Variants in CACNA2D1 observed in about 807,000 individuals in gnomAD.
CACNA2D1 encodes calcium voltage-gated channel auxiliary subunit alpha2delta 1.
In CACNA2D1, 53 loss-of-function variants were observed where a neutral mutation model predicts 171.5. The ratio of observed to expected loss-of-function variants is 0.31; its 90% CI spans 0.25 to 0.39. CACNA2D1 has a LOEUF of 0.39. Ranked by LOEUF, CACNA2D1 falls within the 10% of genes least tolerant of loss-of-function variation. The pLI is 1.00. For synonymous variants in CACNA2D1, 442 were observed against 443.1 expected (o/e 1.00, Z 0.03); for missense variants, 903 against 1,299.8 (o/e 0.69, Z 4.69).
intron 12 of CACNA2D1, among the ~76,000 whole-genome samples, chr7:82,018,652 G>A (rs1421695940): frequency 6.6e-6 from 1 of 152,020 alleles, no homozygotes; most frequent in African/African-American, 2.4e-5. Flanking sequence ...TTATATAATT[G>A]TAAAAGCAAT....
intron 1 of CACNA2D1, among the ~76,000 whole-genome samples, chr7:82,393,119 G>T (rs1413618858): frequency 3.2e-5 from 4 of 123,812 alleles, no homozygotes; most frequent in South Asian, 5.4e-4. Context: ...GGCAGGGAGG[G>T]AGGGAGGGAG....
At chr7:81,987,324 C>A (rs575278699) in intron 21 of CACNA2D1, among the ~76,000 whole-genome samples, 35 of 152,244 alleles carry the variant, frequency 2.3e-4, no homozygotes, top group Middle Eastern at 6.8e-3. Context: ...TAGACCAAGA[C>A]TGCTTTATTT....
intron 4 of CACNA2D1, among the ~76,000 whole-genome samples, chr7:82,140,965 AAAAAG>A (rs559669027): frequency 0.061 from 6,278 of 102,938 alleles, 264 homozygotes; most frequent in South Asian, 0.15. Flanking sequence ...AAAAAAAAAA[AAAAAG>A]AAAAAAAAAT....
chr7:82,443,814 T>G, upstream of CACNA2D1: 1 of 784,572 alleles, frequency 1.3e-6, no homozygotes, highest in Non-Finnish European at 1.7e-6. Context: ...ATTCCCCCGA[T>G]TGCCGAGGCG....
rs539113545 is a variant in CACNA2D1, at chr7:82,039,105, C to T, written c.880-870G>A. On this transcript the variant is annotated intron_variant, in intron 10 of 38. Transcript: ENST00000356860. ...CAGGCTCTTGGCACCTAAACTGTCA[C>T]ATCTGCAGAATGGGAATAATAAAAA... Among the ~76,000 whole-genome samples, 134 of 152,172 alleles carry T rather than the reference C, an allele frequency of 8.8e-4. No individual in the cohort carries two copies. In the Middle Eastern group the frequency reaches 0.02, roughly 23 times the overall value.
At chr7:81,983,488 GAAA>G (rs1031479125) in intron 22 of CACNA2D1, among the ~76,000 whole-genome samples, 154 bp from the exon 23 acceptor site, 1 of 151,628 alleles carries the variant, frequency 6.6e-6, no homozygotes, top group Admixed American at 6.6e-5. Context: ...GTAGTCTGAG[GAAA>G]AAAAAGACAT....
intron 10 of CACNA2D1, among the ~76,000 whole-genome samples, chr7:82,056,892 CA>C (rs1438982723): frequency 1.3e-5 from 2 of 152,068 alleles, no homozygotes; most frequent in Admixed American, 6.6e-5. Flanking sequence ...AACTAAGCAA[CA>C]CATGTTATAG....
Position 82,013,472 on chromosome 7 carries a change from T to C in CACNA2D1, c.1261A>G (p.Ile421Val). 9.1e-7 allele frequency: 1 copy of C among 1,098,532 alleles called. No individual in the cohort carries two copies. The highest frequency in any genetic ancestry group is 1.3e-6 in the Non-Finnish European group (1 of 787,852). The allele number at this position is 1,098,532 out of a possible 1,614,324, so 68.0% of individuals were successfully genotyped here. Residue 421 changes from isoleucine (I) to valine (V), a missense_variant, in exon 14 of 39, where the codon ATC becomes GTC. Ile to Val is a conservative substitution (Grantham distance 29). Coordinates refer to ENST00000356860, the MANE Select transcript of CACNA2D1 (RefSeq NM_000722.4). ...YEIPSIGAIR[I>V]NTQEYLDVLG... ...TTAAATAATCATACCTGAGTATTGA[T>C]TCTTATTGCACCAATGGAAGGAATT...
At chr7:82,067,819 TCTCC>T (rs778117859) in intron 7 of CACNA2D1, among the ~76,000 whole-genome samples, 11 of 152,138 alleles carry the variant, frequency 7.2e-5, no homozygotes, top group Admixed American at 1.3e-4. Flanking sequence ...GATATCTGAC[TCTCC>T]AAGATAGGGT....
rs3083235 is a variant in CACNA2D1 at position 81,974,555 on chromosome 7, G to GAAAA, written c.1956-7_1956-4dup. 1.0e-5 allele frequency: 14 copies of GAAAA among 1,344,932 alleles called. No homozygotes were observed. The highest frequency in any genetic ancestry group is 3.5e-5 in the Admixed American group (2 of 56,498). The allele number at this position is 1,344,932 out of a possible 1,614,324, so 83.3% of individuals were successfully genotyped here. A position where few individuals can be genotyped will look rare whatever the true frequency, so the allele number is the denominator to read the frequency against. On this transcript the variant is annotated splice_polypyrimidine_tract_variant and splice_region_variant and intron_variant, in intron 24 of 38. Transcript: ENST00000356860. Reference sequence around the variant, plus strand: ...TTTTCAGGTCATTGCAGTAATCTCTGAAAAAAAAACATTTTGAGATATTAG... The same window carrying GAAAA: ...TTTTCAGGTCATTGCAGTAATCTCTGAAAAAAAAAAAAACATTTTGAGATATTAG...
rs1418728834 is a variant in CACNA2D1 at position 82,150,278 on chromosome 7, ACAAC to A, written c.355-13606_355-13603del. ...AAATTAAAAAAAAAAAACAAAAACA[ACAAC>A]AAAAAAAAACACCCTAGTAGCTGGG... is the stretch of plus-strand genomic sequence containing the variant. On this transcript the variant is annotated intron_variant, in intron 4 of 38. Coordinates refer to ENST00000356860, the MANE Select transcript of CACNA2D1 (RefSeq NM_000722.4). Among the ~76,000 whole-genome samples the A allele has an allele frequency of 1.7e-3, 157 of 92,318 alleles. 13 individuals are homozygous for A. Among genetic ancestry groups the A allele is most frequent in the African/African-American group, 4.9e-3 (139 of 28,348 alleles). 60.6% of individuals were successfully genotyped at this position (92,318 alleles called of 152,430 possible).
chr7:82,053,271 TA>T (rs77369246), intron 10 of CACNA2D1, among the ~76,000 whole-genome samples: 6 of 107,748 alleles, frequency 5.6e-5, no homozygotes, highest in African/African-American at 2.0e-4. Context: ...AAAAAAAAAT[TA>T]AATAATTACC....
intron 3 of CACNA2D1, among the ~76,000 whole-genome samples, chr7:82,244,827 C>T (rs1041136734): frequency 6.6e-6 from 1 of 152,130 alleles, no homozygotes; most frequent in Non-Finnish European, 1.5e-5. Flanking sequence ...AGTATCATCA[C>T]ATCCTTCATG....
At chr7:82,220,038 C>G (rs1297572405) in intron 3 of CACNA2D1, among the ~76,000 whole-genome samples, 3 of 152,066 alleles carry the variant, frequency 2.0e-5, no homozygotes, top group Non-Finnish European at 4.4e-5. Flanking sequence ...CTTTTGACAA[C>G]AGCAGAAGTC....
At chr7:82,042,981 C>T (rs988701166) in intron 10 of CACNA2D1, among the ~76,000 whole-genome samples, 2 of 152,176 alleles carry the variant, frequency 1.3e-5, no homozygotes, top group Non-Finnish European at 2.9e-5. Context: ...CACACCACCA[C>T]TGCATTTTCT....
At chr7:82,145,685 C>A (rs1338002390) in intron 4 of CACNA2D1, among the ~76,000 whole-genome samples, 1 of 123,052 alleles carries the variant, frequency 8.1e-6, no homozygotes, top group Non-Finnish European at 1.7e-5. Flanking sequence ...CATACACACA[C>A]ATTCTGTATA....
At chr7:82,213,813 T>G (rs1800815237) in intron 3 of CACNA2D1, among the ~76,000 whole-genome samples, 1 of 152,154 alleles carries the variant, frequency 6.6e-6, no homozygotes. Context: ...CACTGTTCTG[T>G]GTACCTGGAA....
At chr7:82,262,327 T>C (rs955190768) in intron 3 of CACNA2D1, among the ~76,000 whole-genome samples, 4 of 152,058 alleles carry the variant, frequency 2.6e-5, no homozygotes, top group African/African-American at 9.7e-5. Context: ...TGAGACTCTG[T>C]CTCAAAAATC....
chr7:82,071,479 G>A (rs969761057), intron 7 of CACNA2D1, among the ~76,000 whole-genome samples: 3 of 152,124 alleles, frequency 2.0e-5, no homozygotes, highest in African/African-American at 7.2e-5. Flanking sequence ...GAATAGGGTA[G>A]AGAAAATAAC....
Sources: gnomAD v4.1 joint callset for allele counts (sites outside exome capture counted in the v4.1 genomes callset) on GRCh38, gnomAD v4.1.1 for gene constraint, MANE v1.5 for transcripts, NCBI Gene and HGNC (gene_info 2026-07-23, HGNC 2026-07-21) for gene names.